SHISA5: variants seen among roughly 807,000 people sequenced by gnomAD.
The protein encoded by SHISA5 is shisa family member 5.
A neutral mutation model predicts 27.5 loss-of-function variants in SHISA5; 21 were observed. That is an observed-to-expected ratio of 0.76 (90% CI 0.54 to 1.10). The LOEUF is 1.10. Among genes scored for constraint, SHISA5 ranks in the 50% least tolerant of loss-of-function variants. The pLI is 0.00. For synonymous variants in SHISA5, 137 were observed against 142.2 expected, an observed-to-expected ratio of 0.96 and a Z score of 0.26; for missense variants, 314 against 336.3, an observed-to-expected ratio of 0.93 and a Z score of 0.52.
intron 3 of SHISA5, among the ~76,000 whole-genome samples, chr3:48,477,298 G>T (rs1009374805): frequency 1.3e-5 from 2 of 152,068 alleles, no homozygotes; most frequent in Non-Finnish European, 2.9e-5. Flanking sequence ...GTTTCACCAT[G>T]TTGGCCAGGC....
intron 1 of SHISA5, chr3:48,503,036 G>A (rs917755839): frequency 3.4e-6 from 4 of 1,187,616 alleles, no homozygotes; most frequent in African/African-American, 3.1e-5. Flanking sequence ...CCTGCTCTGG[G>A]CAAAGCCATG....
intron 2 of SHISA5, among the ~76,000 whole-genome samples, chr3:48,499,324 G>A (rs1459155690): frequency 6.6e-6 from 1 of 151,996 alleles, no homozygotes; most frequent in Non-Finnish European, 1.5e-5. Context: ...ACAGGCATGA[G>A]CCACAGCAAC....
At chr3:48,502,714 A>C (rs1440850168) in intron 1 of SHISA5, among the ~76,000 whole-genome samples, 8 of 152,218 alleles carry the variant, frequency 5.3e-5, no homozygotes, top group Non-Finnish European at 8.8e-5. Flanking sequence ...GCAGACTCCA[A>C]AGAGAATACC....
chr3:48,471,419 T>TAAAAATAC (rs71074247), intron 3 of SHISA5, among the ~76,000 whole-genome samples: 90,000 of 150,708 alleles, frequency 0.6, 27,102 homozygotes, highest in East Asian at 0.68. Flanking sequence ...CCGTCTCTAC[T>TAAAAATAC]AAAAATTAGC....
At position 48,473,207 on chromosome 3, in the gene SHISA5, C is replaced by T; in HGVS notation, c.315-3364G>A. 1 of 1,428,658 alleles carries T rather than the reference C, an allele frequency of 7.0e-7. No individual in the cohort carries two copies. Among genetic ancestry groups the T allele is most frequent in the Non-Finnish European group, 9.1e-7 (1 of 1,094,924 alleles). The allele number at this position is 1,428,658 out of a possible 1,614,324, so 88.5% of individuals were successfully genotyped here. ...TCTTAAAGACACAGGATGGCCCCGCCCAGCAGCCGGCTAGCAGCCAAGGAG... is the reference window on the plus strand; with the variant it reads ...TCTTAAAGACACAGGATGGCCCCGCTCAGCAGCCGGCTAGCAGCCAAGGAG... On this transcript the variant is annotated intron_variant, in intron 3 of 5. Transcript: ENST00000296444. This position sits in a 1 kb window ranked among gnomAD's most constrained non-coding sequence, Gnocchi z 4.3.
intron 2 of SHISA5, among the ~76,000 whole-genome samples, chr3:48,486,631 G>A (rs1459400860): frequency 3.7e-5 from 5 of 136,586 alleles, no homozygotes; most frequent in Admixed American, 8.4e-5. Flanking sequence ...ATAAGCTCAC[G>A]CCTATAATCC....
At chr3:48,496,595 G>A (rs966519679) in intron 2 of SHISA5, among the ~76,000 whole-genome samples, 2 of 150,972 alleles carry the variant, frequency 1.3e-5, no homozygotes, top group East Asian at 2.0e-4. Context: ...TTAGCTGGGC[G>A]AGGTGGCAGG....
In SHISA5 at chr3:48,483,721, A is replaced by AT. The variant is rs2041102183; in HGVS notation, c.234-4465_234-4464insA. Among the ~76,000 whole-genome samples the AT allele has an allele frequency of 2.1e-5, 3 of 142,876 alleles. No individual in the cohort carries two copies. In the East Asian group the frequency reaches 6.3e-4, roughly 30 times the overall value. The allele number at this position is 142,876 out of a possible 152,430, so 93.7% of individuals were successfully genotyped here. A position where few individuals can be genotyped will look rare whatever the true frequency, so the allele number is the denominator to read the frequency against. On this transcript the variant is annotated intron_variant, in intron 2 of 5. Transcript: ENST00000296444. ...GGGCGGCTGGCCGGGTGGGGGGCTG[A>AT]CCCCCCCACCTCCCTCCCGGACGGG...
Position 48,469,166 on chromosome 3 carries a change from G to A in SHISA5, c.664C>T (p.Pro222Ser), listed in dbSNP as rs1384312932. 6.2e-7 allele frequency: 1 copy of A among 1,612,634 alleles called. No individual in the cohort carries two copies. Among genetic ancestry groups the A allele is most frequent in the Admixed American group, 1.7e-5 (1 of 60,018 alleles). Residue 222 changes from proline to serine, a missense_variant, in exon 6 of 6, where the codon CCC becomes TCC. Transcript: ENST00000296444. The surrounding 1 kb of genome is among the most constrained non-coding windows in gnomAD (Gnocchi z 4.6). ...TLAGGAAAPY[P>S]ASQPPYNPAY... ...GGGTTGTAAGGAGGCTGGCTGGCGG[G>A]GTAGGGCGCGGCTGCTCCTCCTGAA...
At chr3:48,497,262 G>GA (rs2041581659) in intron 2 of SHISA5, among the ~76,000 whole-genome samples, 1 of 116,584 alleles carries the variant, frequency 8.6e-6, no homozygotes, top group African/African-American at 3.5e-5. Flanking sequence ...TCCAGAACAA[G>GA]TTTTTTTTTT....
intron 2 of SHISA5, among the ~76,000 whole-genome samples, chr3:48,480,470 T>C (rs952136412): frequency 2.6e-5 from 4 of 151,966 alleles, no homozygotes; most frequent in Admixed American, 1.3e-4. Context: ...ACAGATAAAA[T>C]AGTTCTTAGA....
At chr3:48,477,213 G>A (rs112311962) in intron 3 of SHISA5, 414 of 382,052 alleles carry the variant, frequency 1.1e-3, no homozygotes, top group Non-Finnish European at 1.7e-3. Flanking sequence ...TCCTGCCTCA[G>A]CCTACAGAGT....
Position 48,494,864 on chromosome 3 carries a change from A to G in SHISA5, c.233+6273T>C, listed in dbSNP as rs2041505904. Among the ~76,000 whole-genome samples, 2 of 147,380 alleles carry G rather than the reference A, an allele frequency of 1.4e-5. 1 individual carries two copies. Among genetic ancestry groups the G allele is most frequent in the African/African-American group, 5.4e-5 (2 of 37,210 alleles). On this transcript the variant is annotated intron_variant, in intron 2 of 5. Coordinates refer to ENST00000296444, the MANE Select transcript of SHISA5 (RefSeq NM_016479.6). ...CCTCCTACTTTTTTCCATGACAATGATTTATATCTGGTCTAGCATGTTGTA... is the reference window on the plus strand; with the variant it reads ...CCTCCTACTTTTTTCCATGACAATGGTTTATATCTGGTCTAGCATGTTGTA...
chr3:48,504,328 G>C (rs2041842834), upstream of SHISA5: 1 of 352,870 alleles, frequency 2.8e-6, no homozygotes, highest in African/African-American at 2.1e-5. This position sits in a 1 kb window ranked among gnomAD's most constrained non-coding sequence, Gnocchi z 4.0. Context: ...CCAGCCTCGG[G>C]GCCAGCTTCG....
At chr3:48,492,859 C>A (rs2041473802) in intron 2 of SHISA5, among the ~76,000 whole-genome samples, 1 of 147,342 alleles carries the variant, frequency 6.8e-6, no homozygotes, top group Admixed American at 6.6e-5. Context: ...TCAGCCTCCA[C>A]AAACAGGGAA....
intron 2 of SHISA5, among the ~76,000 whole-genome samples, chr3:48,480,417 T>G (rs1438741195): frequency 6.6e-6 from 1 of 151,902 alleles, no homozygotes; most frequent in Non-Finnish European, 1.5e-5. Flanking sequence ...AACTAACAAG[T>G]ATGTAGAACT....
At chr3:48,492,823 G>A (rs2041473103) in intron 2 of SHISA5, among the ~76,000 whole-genome samples, 1 of 147,480 alleles carries the variant, frequency 6.8e-6, no homozygotes, top group Non-Finnish European at 1.5e-5. Flanking sequence ...AACATGGGCA[G>A]ATTAGCATCC....
chr3:48,468,329 G>A lies in SHISA5; in HGVS notation c.*778C>T. On this transcript the variant is annotated 3_prime_UTR_variant, in exon 6 of 6. Transcript: ENST00000296444. ...GGACAGGAGCCCTGCTCACCTGTGG[G>A]AAGGGCAGGGCCAGCAAGGGCAGCA... 9.6e-7 allele frequency: 1 copy of A among 1,044,968 alleles called. No individual in the cohort carries two copies. Among genetic ancestry groups the A allele is most frequent in the Non-Finnish European group, 1.2e-6 (1 of 865,380 alleles). The allele number at this position is 1,044,968 out of a possible 1,614,324, so 64.7% of individuals were successfully genotyped here.
intron 2 of SHISA5, among the ~76,000 whole-genome samples, chr3:48,486,515 A>G (rs868016843): frequency 0.012 from 1,426 of 116,574 alleles, 30 homozygotes; most frequent in African/African-American, 0.045. Flanking sequence ...TATATAATAT[A>G]CAATATATAT....
Sources: allele counts gnomAD v4.1 joint callset (sites outside exome capture counted in the v4.1 genomes callset), GRCh38; gene constraint gnomAD v4.1.1; non-coding constraint Gnocchi (gnomAD v3.1); transcripts MANE v1.5; gene names NCBI Gene and HGNC (gene_info 2026-07-23, HGNC 2026-07-21).